The following IFT88 variants were observed in gnomAD, a reference collection of about 807,000 sequenced individuals.
The protein encoded by IFT88 is intraflagellar transport 88, also known as intraflagellar transport protein 88 homolog.
In IFT88, 74 loss-of-function variants were observed where a neutral mutation model predicts 119.5. The ratio of observed to expected loss-of-function variants is 0.62; its 90% CI spans 0.51 to 0.75. IFT88 has a LOEUF of 0.75. Ranked by LOEUF, IFT88 falls within the 30% of genes least tolerant of loss-of-function variation. IFT88 has a pLI of 0.00. For synonymous variants in IFT88, 279 were observed against 316.7 expected (o/e 0.88, Z 1.26); for missense variants, 961 against 977.7 (o/e 0.98, Z 0.23).
intron 24 of IFT88, among the ~76,000 whole-genome samples, chr13:20,690,021 C>A (rs948721952): frequency 6.6e-6 from 1 of 152,138 alleles, no homozygotes; most frequent in African/African-American, 2.4e-5. Context: ...AGAAGACTTA[C>A]TATTTTGGGT....
chr13:20,682,812 T>C (rs1196886165), intron 24 of IFT88, among the ~76,000 whole-genome samples: 2 of 152,252 alleles, frequency 1.3e-5, no homozygotes, highest in Non-Finnish European at 2.9e-5. Context: ...GTTGGACTGC[T>C]TAACATGCCT....
intron 20 of IFT88, among the ~76,000 whole-genome samples, chr13:20,645,401 ATTTTC>A (rs1359424212): frequency 1.3e-5 from 2 of 151,940 alleles, no homozygotes; most frequent in African/African-American, 2.4e-5. Flanking sequence ...AATTATTTTT[ATTTTC>A]TTATATTTTA....
chr13:20,645,954 T>C (rs540959809), intron 20 of IFT88, among the ~76,000 whole-genome samples: 2 of 152,356 alleles, frequency 1.3e-5, no homozygotes, highest in African/African-American at 4.8e-5. Flanking sequence ...AGTTTAATTA[T>C]ATCTTTAAGA....
intron 14 of IFT88, among the ~76,000 whole-genome samples, chr13:20,616,925 C>CT (rs1383574302): frequency 6.6e-6 from 1 of 151,694 alleles, no homozygotes; most frequent in African/African-American, 2.4e-5. Context: ...TGGACCAAAA[C>CT]TTTTTTTTGG....
chr13:20,615,777 G>C lies in IFT88; in HGVS notation c.1113-16G>C, dbSNP rs370420490. ...ACTGTATCTCTAAATACAACTTTTT[G>C]GTTTATTTGATATAGGAAAGCCATG... On this transcript the variant is annotated splice_polypyrimidine_tract_variant and intron_variant, in intron 13 of 25. Transcript: ENST00000351808. 3 of 1,471,638 alleles carry C rather than the reference G, an allele frequency of 2.0e-6. No individual in the cohort carries two copies. Among genetic ancestry groups the C allele is most frequent in the Non-Finnish European group, 2.8e-6 (3 of 1,069,482 alleles). The allele number at this position is 1,471,638 out of a possible 1,614,324, so 91.2% of individuals were successfully genotyped here.
chr13:20,620,442 G>A (rs549076925), intron 14 of IFT88, among the ~76,000 whole-genome samples: 1 of 152,120 alleles, frequency 6.6e-6, no homozygotes, highest in Non-Finnish European at 1.5e-5. Context: ...TTGATATCTG[G>A]TAGTGCTATG....
intron 2 of IFT88, among the ~76,000 whole-genome samples, chr13:20,580,871 G>A (rs1027579106): frequency 3.3e-5 from 5 of 151,548 alleles, no homozygotes; most frequent in Admixed American, 3.3e-4. Context: ...GACTACAGGC[G>A]CCCGCCACCA....
At chr13:20,584,156 TA>T (rs10661539) in intron 3 of IFT88, among the ~76,000 whole-genome samples, 6,766 of 149,370 alleles carry the variant, frequency 0.045, 199 homozygotes, top group Middle Eastern at 0.079. Flanking sequence ...TCTATTTCTG[TA>T]AAAAAAAAAA....
At chr13:20,616,761 C>T (rs1205687701) in intron 14 of IFT88, among the ~76,000 whole-genome samples, 1 of 152,116 alleles carries the variant, frequency 6.6e-6, no homozygotes, top group Admixed American at 6.5e-5. Context: ...GCTGTGCTTT[C>T]ATAAGACTGA....
chr13:20,671,680 T>C, intron 24 of IFT88, among the ~76,000 whole-genome samples: 1 of 152,232 alleles, frequency 6.6e-6, no homozygotes, highest in East Asian at 1.9e-4. Flanking sequence ...CTTCTTTCTC[T>C]ACTTCAGGCA....
At chr13:20,643,352 C>A in intron 18 of IFT88, 103 bp from the exon 19 acceptor site, 1 of 858,740 alleles carries the variant, frequency 1.2e-6, no homozygotes, top group Non-Finnish European at 1.8e-6. Context: ...TACAATAGCA[C>A]ATTACTGTAG....
At chr13:20,690,591 C>A in intron 24 of IFT88, 114 bp from the exon 25 acceptor site, 2 of 664,812 alleles carry the variant, frequency 3.0e-6, no homozygotes, top group South Asian at 1.9e-5. Context: ...AGCTGGCTTC[C>A]AAATTAAACA....
At chr13:20,634,879 A>G (rs954109513) in intron 16 of IFT88, among the ~76,000 whole-genome samples, 24 of 151,366 alleles carry the variant, frequency 1.6e-4, no homozygotes, top group Admixed American at 2.0e-4. Context: ...TACATGTGCC[A>G]TGTTGGTGTG....
At chr13:20,587,741 T>C (rs765197086) in intron 3 of IFT88, among the ~76,000 whole-genome samples, 11 of 152,174 alleles carry the variant, frequency 7.2e-5, no homozygotes, top group Non-Finnish European at 1.2e-4. Context: ...ATGCTTTTTG[T>C]CTGTTTGTAA....
chr13:20,592,372 T>G lies in IFT88; in HGVS notation c.366T>G (p.Pro122=), dbSNP rs765517875. 6.2e-7 allele frequency: 1 copy of G among 1,611,726 alleles called. No individual in the cohort carries two copies. The part of the protein sequence containing the change: ...AFDPLSQSRG[P]ASPLEAKKKD... ...ACCCCCTTAGTCAGTCAAGGGGCCC[T>G]GCTTCCCCTTTGGAAGCCAAGAAAA... is the stretch of plus-strand genomic sequence containing the variant. Residue 122 remains proline (P), a synonymous_variant, in exon 7 of 26, where the codon CCT becomes CCG. Transcript: ENST00000351808.
chr13:20,597,292 C>G (rs1375180915), intron 9 of IFT88, among the ~76,000 whole-genome samples, 173 bp downstream of exon 9: 1 of 151,970 alleles, frequency 6.6e-6, no homozygotes, highest in African/African-American at 2.4e-5. Context: ...GTGCAAAGAG[C>G]TCTTTTCTTT....
chr13:20,631,139 A>G (rs1394358142), intron 16 of IFT88, 37 bp downstream of exon 16: 1 of 1,245,234 alleles, frequency 8.0e-7, no homozygotes, highest in Non-Finnish European at 1.2e-6. Flanking sequence ...ATCATATGCT[A>G]TTTTTATATT....
intron 15 of IFT88, among the ~76,000 whole-genome samples, chr13:20,630,158 C>T (rs2047973510): frequency 6.6e-6 from 1 of 152,160 alleles, no homozygotes; most frequent in African/African-American, 2.4e-5. Context: ...TCTTGGCCTT[C>T]TGAAACTCCA....
In IFT88 at chr13:20,636,750, A is replaced by G. The variant is rs1392484027; in HGVS notation, c.1387-1582A>G. Among the ~76,000 whole-genome samples the G allele has an allele frequency of 8.5e-5, 13 of 152,388 alleles. No individual in the cohort carries two copies. The East Asian group carries it at 2.5e-3, about 29-fold the overall frequency. Reference sequence around the variant, plus strand: ...TTTTGCCTGCTACGTAGTCCAAAAGACAATGTTACATGTTTTAGTTTTTAA... The same window carrying G: ...TTTTGCCTGCTACGTAGTCCAAAAGGCAATGTTACATGTTTTAGTTTTTAA... On this transcript the variant is annotated intron_variant, in intron 16 of 25. Coordinates refer to ENST00000351808, the MANE Select transcript of IFT88 (RefSeq NM_006531.5).
Sources: allele counts gnomAD v4.1 joint callset (sites outside exome capture counted in the v4.1 genomes callset), GRCh38; gene constraint gnomAD v4.1.1; transcripts MANE v1.5; gene names NCBI Gene and HGNC (gene_info 2026-07-23, HGNC 2026-07-21).